The following DCAF17 variants were observed in gnomAD, a reference collection of about 807,000 sequenced individuals.
The protein encoded by DCAF17 is DDB1- and CUL4-associated factor 17.
DCAF17 carries 48 observed loss-of-function variants against 66.0 expected under a neutral mutation model. That is an observed-to-expected ratio of 0.73 (90% CI 0.58 to 0.92). The LOEUF is 0.92. DCAF17 is among the 40% of genes least tolerant of loss of function. The probability of loss-of-function intolerance (pLI) is 0.00; values close to 1 mark genes in which losing one functional copy is unlikely to be tolerated. For synonymous variants in DCAF17, 206 were observed against 214.6 expected, an observed-to-expected ratio of 0.96 and a Z score of 0.35; for missense variants, 562 against 622.8, an observed-to-expected ratio of 0.90 and a Z score of 1.04.
At chr2:171,436,288 G>A (rs1435290303) in intron 2 of DCAF17, among the ~76,000 whole-genome samples, 2 of 152,116 alleles carry the variant, frequency 1.3e-5, no homozygotes, top group African/African-American at 4.8e-5. Context: ...ACATTTCCAT[G>A]TAAGTTTTTA....
rs752354273 is a variant in DCAF17 at position 171,480,149 on chromosome 2, G to T, written c.1378G>T (p.Gly460Ter). The change falls in exon 13 of 14, where the codon GGA (glycine) becomes TGA (stop). Residue 460 changes from glycine (G) to a stop codon, truncating the protein, a stop_gained. Coordinates refer to ENST00000375255, the MANE Select transcript of DCAF17 (RefSeq NM_025000.4). LOFTEE classifies it high-confidence loss of function. ...AHLDFHCNEY[G>*]TLLKSIPLVE... ...CCTGGATTTCCACTGTAATGAATAT[G>T]GAACTTTACTTAAAAGCATTCCACT... The T allele has an allele frequency of 8.7e-6, 14 of 1,613,602 alleles. No individual in the cohort carries two copies.
chr2:171,444,695 A>G (rs1694514729), intron 3 of DCAF17, among the ~76,000 whole-genome samples: 3 of 152,240 alleles, frequency 2.0e-5, no homozygotes, highest in Admixed American at 6.5e-5. Flanking sequence ...CTTAGGAAAT[A>G]CTACAACAGA....
At chr2:171,478,149 C>T in intron 12 of DCAF17, 79 bp downstream of exon 12, 1 of 1,307,942 alleles carries the variant, frequency 7.6e-7, no homozygotes, top group East Asian at 2.4e-5. Flanking sequence ...TTCCCCATAT[C>T]CTGGGGTAGA....
chr2:171,469,874 CA>C (rs1696142009), intron 9 of DCAF17, among the ~76,000 whole-genome samples: 1 of 152,126 alleles, frequency 6.6e-6, no homozygotes, highest in African/African-American at 2.4e-5. Context: ...GGCACAATCA[CA>C]GCTCACTGTA....
In DCAF17 at chr2:171,476,719, T is replaced by C. The variant is rs144043690; in HGVS notation, c.1092-141T>C. ...TTCATGGACATTTAGTGATCACTTA[T>C]TAGTATTGTAGACTAATCAAGAGAA... On this transcript the variant is annotated intron_variant, in intron 10 of 13. Coordinates refer to ENST00000375255, the MANE Select transcript of DCAF17 (RefSeq NM_025000.4). 5.7e-3 allele frequency: 3,647 copies of C among 645,348 alleles called. 12 individuals carry two copies. The highest frequency in any genetic ancestry group is 8.4e-3 in the Non-Finnish European group (3,012 of 356,880). 40.0% of individuals were successfully genotyped at this position (645,348 alleles called of 1,614,324 possible). A position where few individuals can be genotyped will look rare whatever the true frequency, so the allele number is the denominator to read the frequency against.
At chr2:171,462,784 T>G (rs1015194126) in intron 8 of DCAF17, among the ~76,000 whole-genome samples, 22 of 152,202 alleles carry the variant, frequency 1.4e-4, no homozygotes, top group African/African-American at 5.3e-4. Flanking sequence ...AGCAAAAGAT[T>G]GGAAACAATC....
chr2:171,438,908 T>A (rs1171604422), intron 2 of DCAF17, among the ~76,000 whole-genome samples: 2 of 99,474 alleles, frequency 2.0e-5, no homozygotes, highest in African/African-American at 6.8e-5. Flanking sequence ...AACAATTTTT[T>A]TAGAGATAGG....
intron 9 of DCAF17, among the ~76,000 whole-genome samples, chr2:171,470,275 A>T (rs1418436134): frequency 6.6e-6 from 1 of 151,976 alleles, no homozygotes; most frequent in East Asian, 1.9e-4. Context: ...CTCCCTCTTG[A>T]TATATCAGAA....
chr2:171,455,202 A>G (rs1254283003), intron 6 of DCAF17, among the ~76,000 whole-genome samples: 4 of 150,344 alleles, frequency 2.7e-5, no homozygotes, highest in African/African-American at 9.8e-5. Flanking sequence ...ATGTATTCTC[A>G]TCATTCCATG....
At chr2:171,449,786 T>G (rs1694841940) in intron 4 of DCAF17, 93 bp from the exon 5 acceptor site, 1 of 818,396 alleles carries the variant, frequency 1.2e-6, no homozygotes. Context: ...TTTAAATAAC[T>G]AAAAAATAGT....
At chr2:171,453,616 C>A (rs1474971526) in intron 6 of DCAF17, among the ~76,000 whole-genome samples, 1 of 151,954 alleles carries the variant, frequency 6.6e-6, no homozygotes, top group African/African-American at 2.4e-5. Flanking sequence ...ATATAACAAG[C>A]CTTATATTTA....
At chr2:171,445,244 C>G (rs1295658866) in intron 3 of DCAF17, among the ~76,000 whole-genome samples, 1 of 152,080 alleles carries the variant, frequency 6.6e-6, no homozygotes, top group Non-Finnish European at 1.5e-5. Context: ...CCTGCCTCAG[C>G]CTCCCAAGTA....
At chr2:171,443,402 G>A in intron 2 of DCAF17, 121 bp from the exon 3 acceptor site, 4 of 709,572 alleles carry the variant, frequency 5.6e-6, no homozygotes, top group Middle Eastern at 3.9e-4. Flanking sequence ...TTAGTTAAGA[G>A]GAAAGCAAAT....
At chr2:171,461,539 T>A (rs963292835) in intron 8 of DCAF17, among the ~76,000 whole-genome samples, 1 of 152,222 alleles carries the variant, frequency 6.6e-6, no homozygotes, top group Non-Finnish European at 1.5e-5. Flanking sequence ...TTAACTGTTA[T>A]CTCCTTGATG....
rs1693694818 is a variant in DCAF17 at position 171,434,666 on chromosome 2, G to A, written c.89G>A (p.Arg30Lys). 1 of 1,521,298 alleles carries A rather than the reference G, an allele frequency of 6.6e-7. No homozygotes were observed. The highest frequency in any genetic ancestry group is 1.4e-5 in the African/African-American group (1 of 69,948). The allele number at this position is 1,521,298 out of a possible 1,614,324, so 94.2% of individuals were successfully genotyped here. A position where few individuals can be genotyped will look rare whatever the true frequency, so the allele number is the denominator to read the frequency against. ...CFSRDAGVVQ[R>K]TNLGILRALV... ...TCGCGCGACGCAGGCGTGGTGCAGA[G>A]GACCAACCTGGGCATCCTGCGGGCG... The change falls in exon 1 of 14, where the codon AGG (arginine) becomes AAG (lysine). Residue 30 changes from arginine (R) to lysine (K), a missense_variant. Around this residue, in one of 3 missense-constraint regions of DCAF17, gnomAD observed 348 missense variants for 355.9 expected, o/e 0.98. Coordinates refer to ENST00000375255, the MANE Select transcript of DCAF17 (RefSeq NM_025000.4).
chr2:171,473,882 A>G lies in DCAF17; in HGVS notation c.998A>G (p.Gln333Arg). The change falls in exon 10 of 14, where the codon CAA becomes CGA. Residue 333 changes from glutamine (Q) to arginine (R), a missense_variant. Around this residue, in one of 3 missense-constraint regions of DCAF17, gnomAD observed 201 missense variants for 231.1 expected, o/e 0.87. Transcript: ENST00000375255. ...CAACTTCAGGCAAAAAATGGGATCC[A>G]AGAAATGGATTGTTGTTCTCTAGAA... ...KDNSLAKNGI[Q>R]EMDCCSLESD... 6.2e-7 allele frequency: 1 copy of G among 1,613,732 alleles called. No homozygotes were observed. The highest frequency in any genetic ancestry group is 1.1e-5 in the South Asian group (1 of 91,062).
intron 3 of DCAF17, chr2:171,447,388 G>T (rs1694691170): frequency 5.5e-6 from 2 of 360,478 alleles, no homozygotes; most frequent in East Asian, 1.3e-4. Flanking sequence ...TTTTTGAGAT[G>T]GAGTCTTCTG....
chr2:171,437,285 A>G (rs1263481680), intron 2 of DCAF17, among the ~76,000 whole-genome samples: 4 of 151,840 alleles, frequency 2.6e-5, no homozygotes, highest in Non-Finnish European at 5.9e-5. Flanking sequence ...TAGGTATCCA[A>G]CTCCATTTTT....
chr2:171,439,980 T>C (rs1694212438), intron 2 of DCAF17, among the ~76,000 whole-genome samples: 4 of 151,998 alleles, frequency 2.6e-5, no homozygotes. Flanking sequence ...AAATGAGGCG[T>C]TGCTTTGTTG....
Sources: gnomAD v4.1 joint callset for allele counts (sites outside exome capture counted in the v4.1 genomes callset) on GRCh38, gnomAD v4.1.1 for gene constraint, gnomAD v4.1.1 regional missense constraint, MANE v1.5 for transcripts, NCBI Gene and HGNC (gene_info 2026-07-23, HGNC 2026-07-21) for gene names.